The following HSF1 variants were observed in gnomAD, a reference collection of about 807,000 sequenced individuals.
The protein encoded by HSF1 is heat shock transcription factor 1.
In HSF1, 32 loss-of-function variants were observed where a neutral mutation model predicts 51.7. The ratio of observed to expected loss-of-function variants is 0.62; its 90% CI spans 0.47 to 0.83. The LOEUF (loss-of-function observed/expected upper bound fraction) is 0.83. Ranked by LOEUF, HSF1 falls within the 40% of genes least tolerant of loss-of-function variation. The probability of loss-of-function intolerance (pLI) is 0.00; values close to 1 mark genes in which losing one functional copy is unlikely to be tolerated. For missense variants in HSF1, 727 were observed against 717.0 expected (o/e 1.01, Z -0.16); for synonymous variants, 396 against 309.7 (o/e 1.28, Z -2.92).
At position 144,306,278 on chromosome 8, in the gene HSF1, CT is replaced by C. The variant is rs782540831; in HGVS notation, c.118-2615del. Among the ~76,000 whole-genome samples the C allele has an allele frequency of 3.9e-3, 538 of 139,328 alleles. 1 individual carries two copies. Among genetic ancestry groups the C allele is most frequent in the African/African-American group, 9.7e-3 (371 of 38,212 alleles). 91.4% of individuals were successfully genotyped at this position (139,328 alleles called of 152,430 possible). A position where few individuals can be genotyped will look rare whatever the true frequency, so the allele number is the denominator to read the frequency against. On this transcript the variant is annotated intron_variant, in intron 1 of 12. Coordinates refer to ENST00000528838, the MANE Select transcript of HSF1 (RefSeq NM_005526.4). The stretch of plus-strand genomic sequence containing the variant: ...TTTGGGGACAGTTTCTATTGATTGC[CT>C]TTTTTTTTTTTTCCCGTGTATGGGG...
At chr8:144,314,082 C>CAGCCCCCCCCCCCCCCCCCCCCA in intron 12 of HSF1, 28 bp downstream of exon 12, 1 of 1,548,042 alleles carries the variant, frequency 6.5e-7, no homozygotes, top group Non-Finnish European at 8.8e-7. Context: ...GGCCCCACCT[C>CAGCCCCCCCCCCCCCCCCCCCCA]TGCCCCCAAC....
rs1554842399 is a variant in HSF1, at chr8:144,301,906, G to C, written c.118-7000G>C. Among the ~76,000 whole-genome samples the C allele has an allele frequency of 5.9e-4, 89 of 151,130 alleles. 6 individuals carry two copies. In the South Asian group the frequency reaches 0.012, roughly 20 times the overall value. On this transcript the variant is annotated intron_variant, in intron 1 of 12. Coordinates refer to ENST00000528838, the MANE Select transcript of HSF1 (RefSeq NM_005526.4). Reference sequence around the variant, plus strand: ...ATCCAGAAGAGCCGTGCACGGTGGTGGTGCCTGTGGTGCCAGCTACTCAGA... The same window carrying C: ...ATCCAGAAGAGCCGTGCACGGTGGTCGTGCCTGTGGTGCCAGCTACTCAGA...
rs757550689 is a variant in HSF1, at chr8:144,311,306, CCTCT to C, written c.565-9_565-6del. ...CCCACAAGGGCCGGGGTAACTGTGT[CCTCT>C]CTCTCCACAGCTCATTCAGTTCCTG... On this transcript the variant is annotated splice_polypyrimidine_tract_variant and intron_variant, in intron 5 of 12. Coordinates refer to ENST00000528838, the MANE Select transcript of HSF1 (RefSeq NM_005526.4). 1 of 1,613,802 alleles carries C rather than the reference CCTCT, an allele frequency of 6.2e-7. No individual in the cohort carries two copies.
In HSF1 at chr8:144,314,598, A is replaced by C. The variant is rs1212028629; in HGVS notation, c.*268A>C. 3.8e-6 allele frequency: 2 copies of C among 531,622 alleles called. No homozygotes were observed. The highest frequency in any genetic ancestry group is 6.8e-6 in the Non-Finnish European group (2 of 295,732). 32.9% of individuals were successfully genotyped at this position (531,622 alleles called of 1,614,324 possible). On this transcript the variant is annotated 3_prime_UTR_variant, in exon 13 of 13. Coordinates refer to ENST00000528838, the MANE Select transcript of HSF1 (RefSeq NM_005526.4). ...GACCCTGCAGGTTGTTCATAGTCAG[A>C]ATTGTATTTTGGATTTTTACACAAC...
In HSF1 at chr8:144,309,770, A is replaced by C; in HGVS notation, c.364-2A>C. 1.9e-6 allele frequency: 3 copies of C among 1,613,178 alleles called. No homozygotes were observed. The highest frequency in any genetic ancestry group is 2.5e-6 in the Non-Finnish European group (3 of 1,179,732). On this transcript the variant is annotated splice_acceptor_variant, in intron 3 of 12. Coordinates refer to ENST00000528838, the MANE Select transcript of HSF1 (RefSeq NM_005526.4). LOFTEE classifies it high-confidence loss of function. Reference sequence around the variant, plus strand: ...TGACTCCTGTCCCTCTCGGGAATCCAGGTGTCCACCCTGAAGAGTGAAGAC... The same window carrying C: ...TGACTCCTGTCCCTCTCGGGAATCCCGGTGTCCACCCTGAAGAGTGAAGAC...
chr8:144,303,510 T>C (rs1390187037), intron 1 of HSF1, among the ~76,000 whole-genome samples: 1 of 152,026 alleles, frequency 6.6e-6, no homozygotes, highest in African/African-American at 2.4e-5. Context: ...TCTGATCTTC[T>C]TGGCCTGGCT....
At position 144,314,452 on chromosome 8, in the gene HSF1, A is replaced by G; in HGVS notation, c.*122A>G. On this transcript the variant is annotated 3_prime_UTR_variant, in exon 13 of 13. Coordinates refer to ENST00000528838, the MANE Select transcript of HSF1 (RefSeq NM_005526.4). ...GGTCGGCCGCCATAGCCCCAGTAGG[A>G]CAAACGGGCTCGGGTCTGGGCAGCA... 1 of 798,644 alleles carries G rather than the reference A, an allele frequency of 1.3e-6. No homozygotes were observed. Among genetic ancestry groups the G allele is most frequent in the Non-Finnish European group, 2.0e-6 (1 of 497,658 alleles). The allele number at this position is 798,644 out of a possible 1,614,324, so 49.5% of individuals were successfully genotyped here.
intron 1 of HSF1, among the ~76,000 whole-genome samples, chr8:144,293,149 G>T (rs1383891932): frequency 1.3e-4 from 20 of 152,220 alleles, no homozygotes; most frequent in African/African-American, 4.8e-4. Context: ...AACTGAAGCT[G>T]CCCCAGGCAG....
chr8:144,314,111 C>G lies in HSF1; in HGVS notation c.1385-14C>G. 2 of 1,542,896 alleles carry G rather than the reference C, an allele frequency of 1.3e-6. No homozygotes were observed. The highest frequency in any genetic ancestry group is 1.7e-6 in the Non-Finnish European group (2 of 1,143,060). On this transcript the variant is annotated splice_polypyrimidine_tract_variant and intron_variant, in intron 12 of 12. Coordinates refer to ENST00000528838, the MANE Select transcript of HSF1 (RefSeq NM_005526.4). ...CCCCAACCCCCCACCGCCTTGACAC[C>G]CCCACCCCCGCAGGGAAGCAGCTGG...
Position 144,313,663 on chromosome 8 carries a change from GCGCCGCCCCGCCT to G in HSF1, c.1248+49_1248+61del, listed in dbSNP as rs1816903598. 8 of 93,482 alleles carry G rather than the reference GCGCCGCCCCGCCT, an allele frequency of 8.6e-5. 2 individuals are homozygous for G. Among genetic ancestry groups the G allele is most frequent in the African/African-American group, 8.5e-4 (8 of 9,442 alleles). 5.8% of individuals were successfully genotyped at this position (93,482 alleles called of 1,614,324 possible). A position where few individuals can be genotyped will look rare whatever the true frequency, so the allele number is the denominator to read the frequency against. On this transcript the variant is annotated intron_variant, in intron 10 of 12. Coordinates refer to ENST00000528838, the MANE Select transcript of HSF1 (RefSeq NM_005526.4). The stretch of plus-strand genomic sequence containing the variant: ...CGCCTCCCCGCCCCGCCTCCCCGCC[GCGCCGCCCCGCCT>G]CCCCGCCCCGCCTCCCCGCCTCCCC...
intron 1 of HSF1, among the ~76,000 whole-genome samples, chr8:144,293,267 G>A (rs143463450): frequency 1.0e-3 from 159 of 152,274 alleles, no homozygotes; most frequent in African/African-American, 3.6e-3. Context: ...GAAACACTTT[G>A]TGTTTGTCCC....
chr8:144,300,759 G>T (rs1195815554), intron 1 of HSF1, among the ~76,000 whole-genome samples: 1 of 152,174 alleles, frequency 6.6e-6, no homozygotes, highest in African/African-American at 2.4e-5. Context: ...ATGATGTCCT[G>T]GAGCAGAGGA....
At position 144,313,602 on chromosome 8, in the gene HSF1, A is replaced by C; in HGVS notation, c.1234A>C (p.Ser412Arg). Residue 412 changes from serine to arginine, a missense_variant, in exon 10 of 13, where the codon AGT (serine) becomes CGT (arginine). Transcript: ENST00000528838. ...LSSHGFSVDTSALLDLFSPSV... is the reference protein window; with the variant it reads ...LSSHGFSVDTRALLDLFSPSV... ...CAGCCACGGCTTCAGCGTGGACACC[A>C]GTGCCCTGCTGGACGTGAGTGGAGC... is the stretch of plus-strand genomic sequence containing the variant. The C allele has an allele frequency of 6.2e-7, 1 of 1,601,286 alleles. No individual in the cohort carries two copies. The highest frequency in any genetic ancestry group is 1.1e-5 in the South Asian group (1 of 90,758).
At chr8:144,309,727 G>T in intron 3 of HSF1, 45 bp from the exon 4 acceptor site, 2 of 1,526,692 alleles carry the variant, frequency 1.3e-6, no homozygotes, top group Non-Finnish European at 1.8e-6. Context: ...AGCCTGCCAA[G>T]CTCCTAGGCT....
rs138513620 is a variant in HSF1, at chr8:144,293,119, T to C, written c.117+1245T>C. Among the ~76,000 whole-genome samples, 173 of 152,344 alleles carry C rather than the reference T, an allele frequency of 1.1e-3. 1 individual carries two copies. Among genetic ancestry groups the C allele is most frequent in the Non-Finnish European group, 2.0e-3 (136 of 68,026 alleles). On this transcript the variant is annotated intron_variant, in intron 1 of 12. Transcript: ENST00000528838. ...CATTTGCACAGCCTCTTTATGCTGT[T>C]AGGAATGAAGAAAAGTCTAAACTGA...
At chr8:144,302,451 G>A (rs1288548603) in intron 1 of HSF1, among the ~76,000 whole-genome samples, 1 of 151,718 alleles carries the variant, frequency 6.6e-6, no homozygotes, top group African/African-American at 2.4e-5. Flanking sequence ...AGGTTGCAGT[G>A]AGCTGAGATC....
chr8:144,311,971 C>T lies in HSF1; in HGVS notation c.869C>T (p.Ser290Phe), dbSNP rs1554844757. Residue 290 changes from serine (S) to phenylalanine (F), a missense_variant, in exon 9 of 13, where the codon TCC becomes TTC. By Grantham distance (155) the Ser-to-Phe change is radical. This residue lies in a region of HSF1 where 470 missense variants were observed against 398.8 expected (regional missense o/e 1.18). Coordinates refer to ENST00000528838, the MANE Select transcript of HSF1 (RefSeq NM_005526.4). ...PGGSIDERPL[S>F]SSPLVRVKEE... The stretch of plus-strand genomic sequence containing the variant: ...GCCCCCCTCGTGTGCAGGCCCCTAT[C>T]CAGCAGCCCCCTGGTGCGTGTCAAG... 1 of 1,587,366 alleles carries T rather than the reference C, an allele frequency of 6.3e-7. No individual in the cohort carries two copies. Among genetic ancestry groups the T allele is most frequent in the Admixed American group, 1.7e-5 (1 of 57,192 alleles).
chr8:144,299,093 C>T (rs1226283848), intron 1 of HSF1, among the ~76,000 whole-genome samples: 5 of 152,162 alleles, frequency 3.3e-5, no homozygotes, highest in African/African-American at 1.2e-4. Flanking sequence ...GAAACAAGTG[C>T]AAGGCAAGCC....
rs375603923 is a variant in HSF1, at chr8:144,310,352, T to A, written c.488+456T>A. 24 of 157,770 alleles carry A rather than the reference T, an allele frequency of 1.5e-4. No homozygotes were observed. In the East Asian group the frequency reaches 2.2e-3, roughly 15 times the overall value. 9.8% of individuals were successfully genotyped at this position (157,770 alleles called of 1,614,324 possible). On this transcript the variant is annotated intron_variant, in intron 4 of 12. Transcript: ENST00000528838. ...CCTCCTCACCGGGACCCTGCGGCTC[T>A]GGGGAAACCTTAGCAGGAGCCTAAC...
Sources: gnomAD v4.1 joint callset for allele counts (sites outside exome capture counted in the v4.1 genomes callset) on GRCh38, gnomAD v4.1.1 for gene constraint, gnomAD v4.1.1 regional missense constraint, MANE v1.5 for transcripts, NCBI Gene and HGNC (gene_info 2026-07-23, HGNC 2026-07-21) for gene names.